The following ANK2 variants were observed in gnomAD, a reference collection of about 807,000 sequenced individuals.
ANK2 encodes ankyrin-2.
In ANK2, 83 loss-of-function variants were observed where a neutral mutation model predicts 360.5. That is an observed-to-expected ratio of 0.23 (90% confidence interval 0.19 to 0.28). ANK2 has a LOEUF of 0.28. ANK2 is among the 10% of genes least tolerant of loss of function. ANK2 has a pLI of 1.00. For missense variants in ANK2, 4,201 were observed against 4,795.7 expected, an observed-to-expected ratio of 0.88 and a Z score of 3.66; for synonymous variants, 1,740 against 1,759.5, an observed-to-expected ratio of 0.99 and a Z score of 0.28.
At position 113,341,649 on chromosome 4, in the gene ANK2, C is replaced by G. The variant is rs377599371; in HGVS notation, c.3894-39C>G. ...CTGATTTTATTTTTCACATGGTATA[C>G]TTTGAACTTTAGATAACTGACTTTA... On this transcript the variant is annotated intron_variant, in intron 32 of 45. Transcript: ENST00000357077. 1.0e-4 allele frequency: 165 copies of G among 1,598,294 alleles called. No individual in the cohort carries two copies. In the African/African-American group the frequency reaches 1.7e-3, roughly 17 times the overall value.
chr4:113,103,125 A>G (rs1657334250), intron 1 of ANK2, among the ~76,000 whole-genome samples: 1 of 152,170 alleles, frequency 6.6e-6, no homozygotes, highest in Non-Finnish European at 1.5e-5. Flanking sequence ...CTCAACATAA[A>G]TGTAATCCTG....
intron 1 of ANK2, among the ~76,000 whole-genome samples, chr4:113,078,712 T>C (rs1015771847): frequency 4.6e-5 from 7 of 152,178 alleles, no homozygotes; most frequent in African/African-American, 1.7e-4. Flanking sequence ...ACCTCCCAGG[T>C]AGGCTGAATG....
At chr4:113,004,273 C>T (rs1316540197) in intron 2 of ANK2, among the ~76,000 whole-genome samples, 2 of 152,070 alleles carry the variant, frequency 1.3e-5, no homozygotes, top group Non-Finnish European at 2.9e-5. Flanking sequence ...TTTATAATAA[C>T]ATTTAGCTTA....
intron 41 of ANK2, among the ~76,000 whole-genome samples, chr4:113,366,205 C>G (rs1438998359): frequency 6.6e-6 from 1 of 152,146 alleles, no homozygotes; most frequent in Non-Finnish European, 1.5e-5. Flanking sequence ...TTCCCATTCC[C>G]TCTAGAGCTC....
At chr4:112,776,464 C>T in the ANK2 span, among the ~76,000 whole-genome samples, 1 of 152,180 alleles carries the variant, frequency 6.6e-6, no homozygotes, top group South Asian at 2.1e-4. Context: ...AGCCTTAACT[C>T]CCCATCTCTC....
intron 2 of ANK2, among the ~76,000 whole-genome samples, chr4:112,913,515 A>G (rs2088516888): frequency 6.6e-6 from 1 of 152,186 alleles, no homozygotes; most frequent in Non-Finnish European, 1.5e-5. Flanking sequence ...TCTGATCAGG[A>G]TTAATTTTTG....
At chr4:113,378,535 C>A (rs1231534251) in intron 45 of ANK2, among the ~76,000 whole-genome samples, 1 of 152,170 alleles carries the variant, frequency 6.6e-6, no homozygotes, top group Admixed American at 6.5e-5. Flanking sequence ...CGATGGATCA[C>A]AGATTAATTT....
chr4:113,107,276 G>A (rs1237970837), intron 1 of ANK2, among the ~76,000 whole-genome samples: 1 of 152,108 alleles, frequency 6.6e-6, no homozygotes, highest in Non-Finnish European at 1.5e-5. Flanking sequence ...GAGTGCAGTA[G>A]CGTGATAACG....
chr4:113,080,546 T>C (rs576963795), intron 1 of ANK2, among the ~76,000 whole-genome samples: 1 of 152,200 alleles, frequency 6.6e-6, no homozygotes, highest in Non-Finnish European at 1.5e-5. Context: ...TAGTTTAGTT[T>C]GTTAAGTACA....
chr4:113,237,565 T>A, intron 6 of ANK2, 34 bp from the exon 7 acceptor site: 3 of 1,592,644 alleles, frequency 1.9e-6, no homozygotes, highest in Non-Finnish European at 2.6e-6. Flanking sequence ...TTGTGTAATA[T>A]CTTCCCTCTT....
chr4:112,784,634 C>G, the ANK2 span, among the ~76,000 whole-genome samples: 1 of 152,002 alleles, frequency 6.6e-6, no homozygotes, highest in East Asian at 1.9e-4. Context: ...TGAGCCACCC[C>G]GTCCGGCCCG....
chr4:113,025,053 A>G (rs996645141), intron 2 of ANK2, among the ~76,000 whole-genome samples: 2 of 152,110 alleles, frequency 1.3e-5, no homozygotes, highest in African/African-American at 2.4e-5. Flanking sequence ...AAAAGCTAAA[A>G]TTCTGAACAT....
At chr4:112,793,711 T>C in the ANK2 span, among the ~76,000 whole-genome samples, 1 of 150,148 alleles carries the variant, frequency 6.7e-6, no homozygotes, top group Non-Finnish European at 1.5e-5. Flanking sequence ...CTTTTCTTTT[T>C]TTTTTTTTTT....
intron 2 of ANK2, among the ~76,000 whole-genome samples, chr4:112,904,677 A>G (rs896373981): frequency 6.6e-6 from 1 of 152,168 alleles, no homozygotes; most frequent in Non-Finnish European, 1.5e-5. Flanking sequence ...GTAATATACT[A>G]TAAGACTTTT....
chr4:113,232,450 C>T (rs1372307169), intron 5 of ANK2, among the ~76,000 whole-genome samples, 191 bp downstream of exon 5: 1 of 152,178 alleles, frequency 6.6e-6, no homozygotes, highest in East Asian at 1.9e-4. Flanking sequence ...TTTATGCCTT[C>T]ATTTTGGATT....
chr4:113,058,622 T>A (rs1331064836), intron 1 of ANK2, among the ~76,000 whole-genome samples: 1 of 152,134 alleles, frequency 6.6e-6, no homozygotes, highest in Non-Finnish European at 1.5e-5. Flanking sequence ...TTGCCCAGAA[T>A]TCAGAGGGTA....
intron 1 of ANK2, among the ~76,000 whole-genome samples, chr4:112,845,044 G>A (rs1408771798): frequency 1.3e-5 from 2 of 152,126 alleles, no homozygotes; most frequent in East Asian, 1.9e-4. Context: ...CCACTGTGAC[G>A]ACGTAACTTA....
chr4:113,238,311 T>C (rs2099399918), intron 7 of ANK2, among the ~76,000 whole-genome samples: 1 of 152,182 alleles, frequency 6.6e-6, no homozygotes, highest in East Asian at 1.9e-4. Context: ...ATTGTTGATG[T>C]ATATTATACA....
intron 2 of ANK2, among the ~76,000 whole-genome samples, chr4:113,016,851 C>T (rs1197648959): frequency 1.3e-5 from 2 of 152,128 alleles, no homozygotes; most frequent in Non-Finnish European, 2.9e-5. Context: ...TATACCCTGC[C>T]CTCTGAGGCT....
Sources: gnomAD v4.1 joint callset for allele counts (sites outside exome capture counted in the v4.1 genomes callset) on GRCh38, gnomAD v4.1.1 for gene constraint, MANE v1.5 for transcripts, NCBI Gene and HGNC (gene_info 2026-07-23, HGNC 2026-07-21) for gene names.